USE1: variants seen among roughly 807,000 people sequenced by gnomAD.
USE1 encodes vesicle transport protein USE1.
In USE1, 32 loss-of-function variants were observed where a neutral mutation model predicts 37.6. The observed-to-expected ratio is 0.85, with a 90% CI of 0.64 to 1.14. USE1 has a LOEUF of 1.14. Ranked by LOEUF, USE1 falls within the 50% of genes most tolerant of loss-of-function variation. The pLI, the probability that USE1 is intolerant of heterozygous loss-of-function variation, is 0.00. For missense variants in USE1, 310 were observed against 332.2 expected (o/e 0.93, Z 0.52); for synonymous variants, 149 against 137.6 (o/e 1.08, Z -0.58).
At chr19:17,215,747 C>T (rs2073285271) in intron 1 of USE1, 55 bp from the exon 2 acceptor site, 24 of 1,474,152 alleles carry the variant, frequency 1.6e-5, no homozygotes, top group Non-Finnish European at 1.8e-5. Context: ...CCCCCGACTC[C>T]CATGATCAGG....
rs760139098 is a variant in USE1, at chr19:17,218,392, G to C, written c.422+1G>C. 6.2e-7 allele frequency: 1 copy of C among 1,613,682 alleles called. No homozygotes were observed. The highest frequency in any genetic ancestry group is 1.7e-5 in the Admixed American group (1 of 59,978). ...CTGAGATGGACGTAAGGAAGAGAAC[G>C]TGAGTGTCTGCGGCCCTGGGGCAGT... On this transcript the variant is annotated splice_donor_variant, in intron 6 of 7. Coordinates refer to ENST00000263897, the MANE Select transcript of USE1 (RefSeq NM_018467.4). LOFTEE classifies it high-confidence loss of function.
chr19:17,216,230 CAGCCAGAG>C lies in USE1; in HGVS notation c.297_304del (p.Arg100SerfsTer22). 1 of 1,612,912 alleles carries C rather than the reference CAGCCAGAG, an allele frequency of 6.2e-7. No individual in the cohort carries two copies. Among genetic ancestry groups the C allele is most frequent in the African/African-American group, 1.3e-5 (1 of 75,068 alleles). ...CTGGCCCCTGGCCGTGTGCCAACCACAGCCAGAGAGCGAGTGCCCGCCACAAAGACGGT... is the reference window on the plus strand; with the variant it reads ...CTGGCCCCTGGCCGTGTGCCAACCACAGCGAGTGCCCGCCACAAAGACGGT... On this transcript the variant is annotated frameshift_variant, in exon 4 of 8. Coordinates refer to ENST00000263897, the MANE Select transcript of USE1 (RefSeq NM_018467.4). LOFTEE classifies it high-confidence loss of function.
intron 3 of USE1, 25 bp from the exon 4 acceptor site, chr19:17,216,144 G>A (rs2073288864): frequency 6.2e-7 from 1 of 1,613,238 alleles, no homozygotes; most frequent in East Asian, 2.2e-5. Flanking sequence ...CCCCTCCAGT[G>A]ACTTATCTTC....
chr19:17,218,857 G>T lies in USE1; in HGVS notation c.423-356G>T, dbSNP rs550431591. On this transcript the variant is annotated intron_variant, in intron 6 of 7. Coordinates refer to ENST00000263897, the MANE Select transcript of USE1 (RefSeq NM_018467.4). Reference sequence around the variant, plus strand: ...AAAAAAAAAAAAAAAGGTCGGGCGCGGTGGCTCACGCCTGTAATCCCAGCA... The same window carrying T: ...AAAAAAAAAAAAAAAGGTCGGGCGCTGTGGCTCACGCCTGTAATCCCAGCA... The T allele has an allele frequency of 7.3e-4, 112 of 153,396 alleles. No homozygotes were observed. The East Asian group carries it at 0.02, about 27-fold the overall frequency. The allele number at this position is 153,396 out of a possible 1,614,324, so 9.5% of individuals were successfully genotyped here.
chr19:17,215,402 GA>G lies in USE1; in HGVS notation c.-3del. The G allele has an allele frequency of 6.4e-7, 1 of 1,556,038 alleles. No homozygotes were observed. The highest frequency in any genetic ancestry group is 8.7e-7 in the Non-Finnish European group (1 of 1,151,198). ...CGGAAGGGGTGGTGTAGGGCCGGGCGATAATGGCGGCGTCGAGGCTGGAGCT... is the reference window on the plus strand; with the variant it reads ...CGGAAGGGGTGGTGTAGGGCCGGGCGTAATGGCGGCGTCGAGGCTGGAGCT... On this transcript the variant is annotated 5_prime_UTR_variant, in exon 1 of 8. Transcript: ENST00000263897.
chr19:17,219,196 C>T lies in USE1; in HGVS notation c.423-17C>T, dbSNP rs142121635. ...ACTCCATCTCTCATGTCCTCCTCCCCCCGTGTGTGAAATCAGTGGAGTGGC... is the reference window on the plus strand; with the variant it reads ...ACTCCATCTCTCATGTCCTCCTCCCTCCGTGTGTGAAATCAGTGGAGTGGC... On this transcript the variant is annotated splice_polypyrimidine_tract_variant and intron_variant, in intron 6 of 7. Transcript: ENST00000263897. 7.3e-5 allele frequency: 118 copies of T among 1,607,708 alleles called. No individual in the cohort carries two copies. The highest frequency in any genetic ancestry group is 1.7e-4 in the Admixed American group (10 of 59,634).
chr19:17,217,907 G>A (rs1262820183), intron 5 of USE1: 32 of 319,772 alleles, frequency 1.0e-4, no homozygotes, highest in South Asian at 7.9e-4. Flanking sequence ...GCAAGACTCC[G>A]TCTCAAAAAA....
In USE1 at chr19:17,216,158, C is replaced by A. The variant is rs1406587936; in HGVS notation, c.232-11C>A. 3 of 1,612,974 alleles carry A rather than the reference C, an allele frequency of 1.9e-6. No individual in the cohort carries two copies. Among genetic ancestry groups the A allele is most frequent in the South Asian group, 2.2e-5 (2 of 91,084 alleles). On this transcript the variant is annotated splice_polypyrimidine_tract_variant and intron_variant, in intron 3 of 7. Coordinates refer to ENST00000263897, the MANE Select transcript of USE1 (RefSeq NM_018467.4). ...GCCCCTCCAGTGACTTATCTTCCCA[C>A]ATTTCTGCAGACCTCCTCCTCAGAG...
chr19:17,215,854 G>A lies in USE1; in HGVS notation c.152+3G>A, dbSNP rs2073286632. ...CAGGCCCTGAAGGTCCACGCGAGGTGAGTGCAGGCAGCCTCAGGGCTTTCA... is the reference window on the plus strand; with the variant it reads ...CAGGCCCTGAAGGTCCACGCGAGGTAAGTGCAGGCAGCCTCAGGGCTTTCA... On this transcript the variant is annotated splice_donor_region_variant and intron_variant, in intron 2 of 7. Transcript: ENST00000263897. 12 of 1,607,910 alleles carry A rather than the reference G, an allele frequency of 7.5e-6. No homozygotes were observed. Among genetic ancestry groups the A allele is most frequent in the African/African-American group, 1.3e-5 (1 of 74,790 alleles).
chr19:17,216,345 G>A (rs1468646143), intron 4 of USE1, 24 bp downstream of exon 4: 2 of 1,603,480 alleles, frequency 1.2e-6, no homozygotes, highest in African/African-American at 1.3e-5. Context: ...CCTGGTCCCT[G>A]GGAATCCCTT....
intron 7 of USE1, 89 bp from the exon 8 acceptor site, chr19:17,219,542 C>A: frequency 6.8e-7 from 1 of 1,473,436 alleles, no homozygotes; most frequent in South Asian, 1.4e-5. Context: ...CACCAGCAAG[C>A]GACAAGAGGT....
chr19:17,215,974 C>A lies in USE1; in HGVS notation c.153-18C>A. The A allele has an allele frequency of 6.3e-7, 1 of 1,592,280 alleles. No individual in the cohort carries two copies. Among genetic ancestry groups the A allele is most frequent in the East Asian group, 2.3e-5 (1 of 43,986 alleles). ...GGGACCATGGACAGGTTTTGTTTTT[C>A]TTCTTCCTGCCTTCCAGCAAACCGG... is the stretch of plus-strand genomic sequence containing the variant. On this transcript the variant is annotated intron_variant, in intron 2 of 7. Transcript: ENST00000263897.
At chr19:17,215,889 G>T in intron 2 of USE1, 38 bp downstream of exon 2, 1 of 1,595,690 alleles carries the variant, frequency 6.3e-7, no homozygotes, top group South Asian at 1.1e-5. Context: ...ACATCAGCAC[G>T]TGGCTGTGCT....
At position 17,219,726 on chromosome 19, in the gene USE1, C is replaced by T; in HGVS notation, c.693C>T (p.Asn231=). 6.2e-7 allele frequency: 1 copy of T among 1,613,542 alleles called. No individual in the cohort carries two copies. The highest frequency in any genetic ancestry group is 8.5e-7 in the Non-Finnish European group (1 of 1,179,582). ...AGCAGCACACGCAGAAGTCAGTCAA[C>T]TGGCTGCTCTGGGCCATGCTCATTA... ...RLEQHTQKSV[N]WLLWAMLIIV... Residue 231 remains asparagine, a synonymous_variant, in exon 8 of 8, where the codon AAC becomes AAT. Transcript: ENST00000263897.
At chr19:17,216,452 C>T in intron 4 of USE1, 131 bp downstream of exon 4, 1 of 1,309,050 alleles carries the variant, frequency 7.6e-7, no homozygotes, top group Non-Finnish European at 1.0e-6. Context: ...TTCCCTGGGT[C>T]ATCACACAAG....
Position 17,218,409 on chromosome 19 carries a change from T to C in USE1, c.422+18T>C, listed in dbSNP as rs763203505. ...AAGAGAACGTGAGTGTCTGCGGCCC[T>C]GGGGCAGTAGTGGCAATTGGGCGGT... is the stretch of plus-strand genomic sequence containing the variant. On this transcript the variant is annotated intron_variant, in intron 6 of 7. Transcript: ENST00000263897. The C allele has an allele frequency of 9.9e-5, 160 of 1,613,310 alleles. No homozygotes were observed. Among genetic ancestry groups the C allele is most frequent in the Non-Finnish European group, 1.3e-4 (151 of 1,179,678 alleles).
At chr19:17,219,553 G>T (rs2073312540) in intron 7 of USE1, 78 bp from the exon 8 acceptor site, 3 of 1,498,676 alleles carry the variant, frequency 2.0e-6, no homozygotes, top group East Asian at 2.4e-5. Flanking sequence ...GACAAGAGGT[G>T]CAGGCCAGTC....
Position 17,219,295 on chromosome 19 carries a change from C to T in USE1, c.505C>T (p.Gln169Ter). 1 of 1,613,374 alleles carries T rather than the reference C, an allele frequency of 6.2e-7. No individual in the cohort carries two copies. The highest frequency in any genetic ancestry group is 8.5e-7 in the Non-Finnish European group (1 of 1,179,706). ...DLVLQRHQNL[Q>*]EKLAEEMLGL... ...CGTCCTGCAGCGACATCAGAACCTC[C>T]AGGAAAAGCTGGCGGAAGAGATGCT... Residue 169 changes from glutamine (Q) to a stop codon, truncating the protein, a stop_gained, in exon 7 of 8, where the codon CAG (glutamine) becomes TAG (stop). Transcript: ENST00000263897. LOFTEE classifies it high-confidence loss of function.
In USE1 at chr19:17,219,189, T is replaced by C. The variant is rs374493675; in HGVS notation, c.423-24T>C. 68 of 1,600,928 alleles carry C rather than the reference T, an allele frequency of 4.2e-5. 1 individual carries two copies. The East Asian group carries it at 6.1e-4, about 14-fold the overall frequency. ...CTTTCCCACTCCATCTCTCATGTCCTCCTCCCCCCGTGTGTGAAATCAGTG... is the reference window on the plus strand; with the variant it reads ...CTTTCCCACTCCATCTCTCATGTCCCCCTCCCCCCGTGTGTGAAATCAGTG... On this transcript the variant is annotated intron_variant, in intron 6 of 7. Coordinates refer to ENST00000263897, the MANE Select transcript of USE1 (RefSeq NM_018467.4).
Sources: gnomAD v4.1 joint callset for allele counts on GRCh38, gnomAD v4.1.1 for gene constraint, MANE v1.5 for transcripts, NCBI Gene and HGNC (gene_info 2026-07-23, HGNC 2026-07-21) for gene names.